PPM1N: variants seen among roughly 807,000 people sequenced by gnomAD.
PPM1N encodes protein phosphatase, Mg2+/Mn2+ dependent 1N (putative).
PPM1N carries 35 observed loss-of-function variants against 32.6 expected under a neutral mutation model. The observed-to-expected ratio is 1.07, with a 90% CI of 0.82 to 1.43. The LOEUF (loss-of-function observed/expected upper bound fraction) is 1.43. Among genes scored for constraint, PPM1N ranks in the 40% most tolerant of loss-of-function variants. The probability of loss-of-function intolerance (pLI) is 0.00; values close to 1 mark genes in which losing one functional copy is unlikely to be tolerated. For synonymous variants in PPM1N, 275 were observed against 270.5 expected (o/e 1.02, Z -0.16); for missense variants, 648 against 606.6 (o/e 1.07, Z -0.72).
intron 1 of PPM1N, 26 bp from the exon 2 acceptor site, chr19:45,499,923 G>C: frequency 1.9e-6 from 3 of 1,554,804 alleles, no homozygotes; most frequent in Non-Finnish European, 2.6e-6. Context: ...TCCCCCACCG[G>C]GCTCCTTTTT....
Position 45,499,358 on chromosome 19 carries a change from G to A in PPM1N, c.886G>A (p.Gly296Ser), listed in dbSNP as rs1171116831. The A allele has an allele frequency of 2.5e-6, 4 of 1,611,324 alleles. No homozygotes were observed. In the African/African-American group the frequency reaches 5.3e-5, roughly 21 times the overall value. ...ACTGGTGGCTTCACGCCTCCGCTTGGGCCTGGCCCCAGAGCTTCTCTGCGC... is the reference window on the plus strand; with the variant it reads ...ACTGGTGGCTTCACGCCTCCGCTTGAGCCTGGCCCCAGAGCTTCTCTGCGC... ...AGLVASRLRL[G>S]LAPELLCAQL... The change falls in exon 1 of 5, where the codon GGC becomes AGC. Residue 296 changes from glycine (G) to serine (S), a missense_variant. By Grantham distance (56) the Gly-to-Ser change is moderately conservative. Coordinates refer to ENST00000451287, the MANE Select transcript of PPM1N (RefSeq NM_001080401.2).
In PPM1N at chr19:45,498,461, CAGGGCTGA is replaced by C; in HGVS notation, c.-8_-1del. On this transcript the variant is annotated 5_prime_UTR_variant, in exon 1 of 5. Transcript: ENST00000451287. ...GTACAGGGTGGAGCCTTCCTGATCC[CAGGGCTGA>C]AGGATGGCGGTCCTGGCCCGCCAGC... 1 of 1,342,778 alleles carries C rather than the reference CAGGGCTGA, an allele frequency of 7.4e-7. No individual in the cohort carries two copies. The highest frequency in any genetic ancestry group is 9.6e-7 in the Non-Finnish European group (1 of 1,045,942). 83.2% of individuals were successfully genotyped at this position (1,342,778 alleles called of 1,614,324 possible). A position where few individuals can be genotyped will look rare whatever the true frequency, so the allele number is the denominator to read the frequency against.
intron 2 of PPM1N, among the ~76,000 whole-genome samples, 172 bp downstream of exon 2, chr19:45,500,238 G>A (rs1438538120): frequency 6.6e-6 from 1 of 151,898 alleles, no homozygotes; most frequent in Admixed American, 6.6e-5. Context: ...GGGTTCAAGC[G>A]ATTCTCCTGC....
intron 1 of PPM1N, 190 bp from the exon 2 acceptor site, chr19:45,499,759 A>T: frequency 6.6e-7 from 1 of 1,516,974 alleles, no homozygotes; most frequent in East Asian, 2.5e-5. Context: ...TTTAGGGAAA[A>T]GGCATTGTTC....
At chr19:45,500,400 G>A in intron 2 of PPM1N, 56 bp from the exon 3 acceptor site, 3 of 1,480,086 alleles carry the variant, frequency 2.0e-6, no homozygotes, top group Admixed American at 1.9e-5. Flanking sequence ...CTCCCAAAGT[G>A]CTGGGATTAC....
chr19:45,502,041 T>C lies in PPM1N; in HGVS notation c.1249T>C (p.Ser417Pro). The change falls in exon 5 of 5, where the codon TCC (serine) becomes CCC (proline). Residue 417 changes from serine to proline, a missense_variant. By Grantham distance (74) the Ser-to-Pro change is moderately conservative (BLOSUM62 -1). Coordinates refer to ENST00000451287, the MANE Select transcript of PPM1N (RefSeq NM_001080401.2). ...GEKGQDGAGK[S>P]NPTHLGSALD... ...GAAGGGGCAGGATGGGGCTGGGAAG[T>C]CCAACCCCACGCATTTGGGCTCAGC... 6.5e-7 allele frequency: 1 copy of C among 1,541,564 alleles called. No homozygotes were observed. Among genetic ancestry groups the C allele is most frequent in the Non-Finnish European group, 8.7e-7 (1 of 1,152,898 alleles).
At chr19:45,501,914 T>C in intron 4 of PPM1N, 103 bp from the exon 5 acceptor site, 1 of 757,052 alleles carries the variant, frequency 1.3e-6, no homozygotes, top group East Asian at 3.2e-5. Flanking sequence ...CAAACCTTAA[T>C]GGATTGTGAG....
Position 45,498,945 on chromosome 19 carries a change from T to A in PPM1N, c.473T>A (p.Val158Glu). The change falls in exon 1 of 5, where the codon GTG becomes GAG. Residue 158 changes from valine to glutamate, a missense_variant. Transcript: ENST00000451287. Reference sequence around the variant, plus strand: ...CGCCTGCGCTCCCTCTGGCCCCGCGTGGAAACGGGCGGCTGCACGGCCGTG... The same window carrying A: ...CGCCTGCGCTCCCTCTGGCCCCGCGAGGAAACGGGCGGCTGCACGGCCGTG... The part of the protein sequence containing the change: ...DERLRSLWPR[V>E]ETGGCTAVVL... 1 of 1,551,596 alleles carries A rather than the reference T, an allele frequency of 6.4e-7. No individual in the cohort carries two copies. Among genetic ancestry groups the A allele is most frequent in the Non-Finnish European group, 8.6e-7 (1 of 1,157,924 alleles).
At position 45,499,359 on chromosome 19, in the gene PPM1N, G is replaced by C. The variant is rs987856231; in HGVS notation, c.887G>C (p.Gly296Ala). 2.5e-6 allele frequency: 4 copies of C among 1,611,182 alleles called. No homozygotes were observed. In the African/African-American group the frequency reaches 4.0e-5, roughly 16 times the overall value. Residue 296 changes from glycine (G) to alanine (A), a missense_variant, in exon 1 of 5, where the codon GGC becomes GCC. Physicochemically the swap from Gly to Ala is moderately conservative, Grantham distance 60. Transcript: ENST00000451287. ...CTGGTGGCTTCACGCCTCCGCTTGG[G>C]CCTGGCCCCAGAGCTTCTCTGCGCG... ...AGLVASRLRL[G>A]LAPELLCAQL...
At position 45,502,230 on chromosome 19, in the gene PPM1N, T is replaced by TA. The variant is rs1260388575; in HGVS notation, c.*146dup. ...CCAAAATGCTTATTTCTTCTTCTCT[T>TA]ACTTCCCTCTCACAGAAAAGTCTTA... On this transcript the variant is annotated 3_prime_UTR_variant, in exon 5 of 5. Transcript: ENST00000451287. 1.7e-6 allele frequency: 1 copy of TA among 603,364 alleles called. No individual in the cohort carries two copies. The highest frequency in any genetic ancestry group is 3.0e-6 in the Non-Finnish European group (1 of 338,060). 37.4% of individuals were successfully genotyped at this position (603,364 alleles called of 1,614,324 possible). A position where few individuals can be genotyped will look rare whatever the true frequency, so the allele number is the denominator to read the frequency against.
intron 4 of PPM1N, among the ~76,000 whole-genome samples, chr19:45,501,562 CAG>C (rs983182490): frequency 5.9e-5 from 9 of 152,242 alleles, no homozygotes; most frequent in Non-Finnish European, 1.0e-4. Context: ...GAAAACAAAA[CAG>C]GGAATTTACT....
At position 45,499,183 on chromosome 19, in the gene PPM1N, C is replaced by T. The variant is rs757970442; in HGVS notation, c.711C>T (p.Thr237=). Reference sequence around the variant, plus strand: ...TGTCGCGAGCGTTGGGCGACTTTACCTACAAGGAGGCTCCGGGGAGGCCCC... The same window carrying T: ...TGTCGCGAGCGTTGGGCGACTTTACTTACAAGGAGGCTCCGGGGAGGCCCC... The part of the protein sequence containing the change: ...LAVSRALGDF[T]YKEAPGRPPE... The change falls in exon 1 of 5, where the codon ACC becomes ACT. Residue 237 remains threonine, a synonymous_variant. Coordinates refer to ENST00000451287, the MANE Select transcript of PPM1N (RefSeq NM_001080401.2). 2 of 1,539,978 alleles carry T rather than the reference C, an allele frequency of 1.3e-6. No individual in the cohort carries two copies. Among genetic ancestry groups the T allele is most frequent in the Non-Finnish European group, 1.7e-6 (2 of 1,151,332 alleles).
Position 45,498,869 on chromosome 19 carries a change from C to A in PPM1N, c.397C>A (p.Pro133Thr). ...LQELGPEPSE[P>T]EGVREALRRA... ...GGAGCTGGGCCCGGAGCCTAGCGAG[C>A]CCGAGGGCGTGCGCGAGGCGCTGCG... Residue 133 changes from proline (P) to threonine (T), a missense_variant, in exon 1 of 5, where the codon CCC (proline) becomes ACC (threonine). Physicochemically the swap from Pro to Thr is conservative, Grantham distance 38. Transcript: ENST00000451287. 2.0e-6 allele frequency: 3 copies of A among 1,519,752 alleles called. No individual in the cohort carries two copies. The highest frequency in any genetic ancestry group is 1.2e-5 in the South Asian group (1 of 80,828). 94.1% of individuals were successfully genotyped at this position (1,519,752 alleles called of 1,614,324 possible). A position where few individuals can be genotyped will look rare whatever the true frequency, so the allele number is the denominator to read the frequency against.
chr19:45,498,853 C>T lies in PPM1N; in HGVS notation c.381C>T (p.Gly127=). The part of the protein sequence containing the change: ...HLPGHVLQEL[G]PEPSEPEGVR... Reference sequence around the variant, plus strand: ...CAGGCCATGTGCTCCAGGAGCTGGGCCCGGAGCCTAGCGAGCCCGAGGGCG... The same window carrying T: ...CAGGCCATGTGCTCCAGGAGCTGGGTCCGGAGCCTAGCGAGCCCGAGGGCG... The change falls in exon 1 of 5, where the codon GGC becomes GGT. Residue 127 remains glycine (G), a synonymous_variant. Transcript: ENST00000451287. 1 of 1,530,306 alleles carries T rather than the reference C, an allele frequency of 6.5e-7. No individual in the cohort carries two copies. The highest frequency in any genetic ancestry group is 8.7e-7 in the Non-Finnish European group (1 of 1,148,158). The allele number at this position is 1,530,306 out of a possible 1,614,324, so 94.8% of individuals were successfully genotyped here.
Position 45,502,349 on chromosome 19 carries a change from CAAAT to C in PPM1N, c.*265_*268del, listed in dbSNP as rs1968432648. ...AAAAAAAAAAACAAAAAAACCCAAC[CAAAT>C]GTTTTTGAAATATTCAGAGCCGAAC... On this transcript the variant is annotated 3_prime_UTR_variant, in exon 5 of 5. Transcript: ENST00000451287. The C allele has an allele frequency of 5.5e-6, 3 of 544,830 alleles. No homozygotes were observed. The highest frequency in any genetic ancestry group is 9.3e-6 in the Non-Finnish European group (3 of 323,454). The allele number at this position is 544,830 out of a possible 1,614,324, so 33.7% of individuals were successfully genotyped here.
In PPM1N at chr19:45,498,795, C is replaced by A. The variant is rs1225262407; in HGVS notation, c.323C>A (p.Ala108Asp). The stretch of plus-strand genomic sequence containing the variant: ...GCCGTCCTCGACGGCCACGGTGGGG[C>A]TCGAGCTGCCCGCTTCGGTGCACGC... ...LFAVLDGHGGARAARFGARHL... is the reference protein window; with the variant it reads ...LFAVLDGHGGDRAARFGARHL... The change falls in exon 1 of 5, where the codon GCT becomes GAT. Residue 108 changes from alanine to aspartate, a missense_variant. By Grantham distance (126) the Ala-to-Asp change is moderately radical (BLOSUM62 -2). Coordinates refer to ENST00000451287, the MANE Select transcript of PPM1N (RefSeq NM_001080401.2). 1.3e-6 allele frequency: 2 copies of A among 1,551,126 alleles called. No individual in the cohort carries two copies. The highest frequency in any genetic ancestry group is 1.7e-6 in the Non-Finnish European group (2 of 1,154,446).
In PPM1N at chr19:45,498,955, C is replaced by T; in HGVS notation, c.483C>T (p.Gly161=). 6.4e-7 allele frequency: 1 copy of T among 1,554,364 alleles called. No homozygotes were observed. The highest frequency in any genetic ancestry group is 1.9e-5 in the Admixed American group (1 of 53,620). ...CCCTCTGGCCCCGCGTGGAAACGGG[C>T]GGCTGCACGGCCGTGGTGTTGCTGG... ...LRSLWPRVET[G]GCTAVVLLVS... Residue 161 remains glycine (G), a synonymous_variant, in exon 1 of 5, where the codon GGC becomes GGT. Transcript: ENST00000451287.
intron 1 of PPM1N, chr19:45,499,617 T>C: frequency 6.5e-7 from 1 of 1,547,708 alleles, no homozygotes; most frequent in Non-Finnish European, 8.7e-7. Flanking sequence ...CACGGGAGAG[T>C]TAGTGGAAGG....
chr19:45,501,197 C>G (rs570300566), intron 4 of PPM1N, among the ~76,000 whole-genome samples: 1 of 152,292 alleles, frequency 6.6e-6, no homozygotes, highest in South Asian at 2.1e-4. Flanking sequence ...TGGAAACATT[C>G]AGGGAATGCT....
Sources: gnomAD v4.1 joint callset for allele counts (sites outside exome capture counted in the v4.1 genomes callset) on GRCh38, gnomAD v4.1.1 for gene constraint, MANE v1.5 for transcripts, NCBI Gene and HGNC (gene_info 2026-07-23, HGNC 2026-07-21) for gene names.